ZNF3: variants seen among roughly 807,000 people sequenced by gnomAD.
The protein encoded by ZNF3 is zinc finger protein 3.
ZNF3 carries 16 observed loss-of-function variants against 36.9 expected under a neutral mutation model. That is an observed-to-expected ratio of 0.43 (90% CI 0.29 to 0.66). The LOEUF (loss-of-function observed/expected upper bound fraction) is 0.66. Ranked by LOEUF, ZNF3 falls within the 30% of genes least tolerant of loss-of-function variation. The pLI is 0.13. For missense variants in ZNF3, 462 were observed against 543.1 expected, an observed-to-expected ratio of 0.85 and a Z score of 1.48; for synonymous variants, 201 against 201.9, an observed-to-expected ratio of 1.00 and a Z score of 0.04.
At chr7:100,072,683 T>C (rs748926721) in intron 5 of ZNF3, among the ~76,000 whole-genome samples, 23 of 152,098 alleles carry the variant, frequency 1.5e-4, no homozygotes, top group Non-Finnish European at 2.4e-4. Context: ...AGGATGCTAG[T>C]GGCTGCCATG....
chr7:100,067,694 A>T (rs1292755120), downstream of ZNF3, among the ~76,000 whole-genome samples: 1 of 152,048 alleles, frequency 6.6e-6, no homozygotes, highest in Non-Finnish European at 1.5e-5. Context: ...GAGCCACTGC[A>T]CCCAGCTGAT....
chr7:100,076,458 A>G (rs1794126934), intron 3 of ZNF3, among the ~76,000 whole-genome samples: 1 of 151,666 alleles, frequency 6.6e-6, no homozygotes, highest in Admixed American at 6.6e-5. Context: ...ATGCCCGGCT[A>G]ATTTTTTGTA....
rs1562859600 is a variant in ZNF3 at position 100,070,792 on chromosome 7, CGCG to C, written c.*348_*350del. 9.4e-7 allele frequency: 1 copy of C among 1,063,382 alleles called. No individual in the cohort carries two copies. 65.9% of individuals were successfully genotyped at this position (1,063,382 alleles called of 1,614,324 possible). A position where few individuals can be genotyped will look rare whatever the true frequency, so the allele number is the denominator to read the frequency against. ...TTTCCACTGCTGTCTGTGCTGACTACGCGGACTCCAACTAAAGGAATCCATCGA... is the reference window on the plus strand; with the variant it reads ...TTTCCACTGCTGTCTGTGCTGACTACGACTCCAACTAAAGGAATCCATCGA... On this transcript the variant is annotated 3_prime_UTR_variant, in exon 6 of 6. Transcript: ENST00000299667.
chr7:100,066,392 A>G (rs757848665), downstream of ZNF3, among the ~76,000 whole-genome samples: 8 of 152,150 alleles, frequency 5.3e-5, no homozygotes, highest in Non-Finnish European at 1.2e-4. Context: ...CCTGGGCAAC[A>G]TAGTGAGATC....
At chr7:100,065,318 G>T (rs545026584), downstream of ZNF3, among the ~76,000 whole-genome samples, 49 of 151,898 alleles carry the variant, frequency 3.2e-4, no homozygotes, top group South Asian at 7.3e-3. Context: ...AAGCCACTCG[G>T]GAGGCTGAGG....
At position 100,064,272 on chromosome 7, in the gene ZNF3, A is replaced by G. The variant is rs1285882937; in HGVS notation, c.*516T>C. ...AGAGAATGCACACAGAAGAGGCGCC[A>G]TATCAGTGCAAAGATTGTGGCAAGG... On this transcript the variant is annotated 3_prime_UTR_variant, in exon 6 of 6. Coordinates refer to the ZNF3 transcript ENST00000413658. 5.0e-6 allele frequency: 8 copies of G among 1,614,014 alleles called. No homozygotes were observed. The East Asian group carries it at 1.1e-4, about 22-fold the overall frequency.
Position 100,077,292 on chromosome 7 carries a change from T to C in ZNF3, c.55+11A>G. On this transcript the variant is annotated intron_variant, in intron 3 of 5. Coordinates refer to ENST00000299667, the MANE Select transcript of ZNF3 (RefSeq NM_032924.5). ...ACTGAGTAAAAGAATGAATGAGTCC[T>C]TATTCCTCACCACTGTCAAGCAGGG... 1 of 1,613,882 alleles carries C rather than the reference T, an allele frequency of 6.2e-7. No homozygotes were observed. The highest frequency in any genetic ancestry group is 8.5e-7 in the Non-Finnish European group (1 of 1,179,908).
At chr7:100,076,028 G>T (rs1343384315) in intron 3 of ZNF3, among the ~76,000 whole-genome samples, 10 of 150,040 alleles carry the variant, frequency 6.7e-5, no homozygotes, top group Non-Finnish European at 1.5e-4. Flanking sequence ...TTTTTGAGGT[G>T]GGTTTTGCTA....
In ZNF3 at chr7:100,076,475, G is replaced by T. The variant is rs529003865; in HGVS notation, c.55+828C>A. 2.2e-4 allele frequency among the ~76,000 whole-genome samples: 34 copies of T among 151,884 alleles called. No homozygotes were observed. In the South Asian group the frequency reaches 3.5e-3, roughly 16 times the overall value. ...GCCCGGCTAATTTTTTGTATTTTTA[G>T]TAGAGATGCGGTTTCACTGTGTTGG... On this transcript the variant is annotated intron_variant, in intron 3 of 5. Coordinates refer to ENST00000299667, the MANE Select transcript of ZNF3 (RefSeq NM_032924.5).
At chr7:100,064,135 T>A in exon 6 of ZNF3, 6 of 1,614,046 alleles carry the variant, frequency 3.7e-6, no homozygotes, top group Non-Finnish European at 5.1e-6. Flanking sequence ...TGGGAAAGCT[T>A]TCAGCCACAG....
In ZNF3 at chr7:100,070,091, C is replaced by A. The variant is rs1423191678; in HGVS notation, c.*1052G>T. 1 of 985,694 alleles carries A rather than the reference C, an allele frequency of 1.0e-6. No homozygotes were observed. The highest frequency in any genetic ancestry group is 1.2e-6 in the Non-Finnish European group (1 of 829,944). 61.1% of individuals were successfully genotyped at this position (985,694 alleles called of 1,614,324 possible). A position where few individuals can be genotyped will look rare whatever the true frequency, so the allele number is the denominator to read the frequency against. On this transcript the variant is annotated 3_prime_UTR_variant, in exon 6 of 6. Transcript: ENST00000299667. The stretch of plus-strand genomic sequence containing the variant: ...TTGGGAAAACTCGGGGAGTGCCATC[C>A]TCACCCAGCAACGAGCTCTGCTACC...
At chr7:100,064,687 A>G (rs771767999) in exon 6 of ZNF3, 7 of 1,604,930 alleles carry the variant, frequency 4.4e-6, no homozygotes, top group African/African-American at 1.3e-5. Context: ...AAGTCTTGTC[A>G]TTGCAGCAGC....
rs917376298 is a variant in ZNF3 at position 100,081,079 on chromosome 7, T to C, written c.-198+556A>G. ...GATCAAACCAGGAATCTAATACAAC[T>C]GAAAACGGAGCCTGAGCCAGGTGTA... On this transcript the variant is annotated intron_variant, in intron 1 of 5. Transcript: ENST00000299667. This position sits in a 1 kb window ranked among gnomAD's most constrained non-coding sequence, Gnocchi z 4.3. Among the ~76,000 whole-genome samples, 1 of 152,128 alleles carries C rather than the reference T, an allele frequency of 6.6e-6. No individual in the cohort carries two copies. The highest frequency in any genetic ancestry group is 2.4e-5 in the African/African-American group (1 of 41,432).
chr7:100,063,948 AC>A, downstream of ZNF3: 1 of 1,613,826 alleles, frequency 6.2e-7, no homozygotes, highest in Non-Finnish European at 8.5e-7. Flanking sequence ...AAGGAACAAA[AC>A]CCCCTCTTCA....
chr7:100,069,768 C>T (rs1370443148), downstream of ZNF3, among the ~76,000 whole-genome samples: 1 of 152,086 alleles, frequency 6.6e-6, no homozygotes, highest in African/African-American at 2.4e-5. Flanking sequence ...CATGTGCCAC[C>T]ATGCCCGGCT....
chr7:100,068,011 A>G (rs542915759), downstream of ZNF3, among the ~76,000 whole-genome samples: 3 of 152,346 alleles, frequency 2.0e-5, no homozygotes, highest in East Asian at 1.9e-4. Context: ...GAAACTGTAG[A>G]AAGTCCAGGT....
downstream of ZNF3, among the ~76,000 whole-genome samples, chr7:100,067,740 A>G (rs866946710): frequency 2.0e-5 from 3 of 152,156 alleles, no homozygotes; most frequent in Non-Finnish European, 2.9e-5. Flanking sequence ...GAGCCAGGCA[A>G]CGCTGACACA....
exon 6 of ZNF3, chr7:100,064,409 C>T: frequency 6.2e-7 from 1 of 1,613,628 alleles, no homozygotes; most frequent in Non-Finnish European, 8.5e-7. Flanking sequence ...GGCCTCAGCT[C>T]CCACCAGAGA....
intron 3 of ZNF3, among the ~76,000 whole-genome samples, chr7:100,076,129 C>CGCCCG (rs1794067418): frequency 6.7e-6 from 1 of 149,346 alleles, no homozygotes. Flanking sequence ...TGTGCCACTG[C>CGCCCG]ACCCAGCATG....
Sources: allele counts gnomAD v4.1 joint callset (sites outside exome capture counted in the v4.1 genomes callset), GRCh38; gene constraint gnomAD v4.1.1; non-coding constraint Gnocchi (gnomAD v3.1); transcripts MANE v1.5; gene names NCBI Gene and HGNC (gene_info 2026-07-23, HGNC 2026-07-21).